NFIB: variants seen among roughly 807,000 people sequenced by gnomAD.
NFIB encodes nuclear factor 1 B-type.
A neutral mutation model predicts 61.5 loss-of-function variants in NFIB; 11 were observed. That is an observed-to-expected ratio of 0.18 (90% CI 0.11 to 0.30). NFIB has a LOEUF of 0.30. NFIB is among the 10% of genes least tolerant of loss of function. NFIB has a pLI of 1.00. For missense variants in NFIB, 471 were observed against 608.9 expected (o/e 0.77, Z 2.38); for synonymous variants, 260 against 216.5 (o/e 1.20, Z -1.76).
chr9:14,206,660 T>C (rs2049760561), intron 2 of NFIB, among the ~76,000 whole-genome samples: 1 of 121,114 alleles, frequency 8.3e-6, no homozygotes, highest in Non-Finnish European at 1.6e-5. Flanking sequence ...TATGCTATCA[T>C]ATACAGAGTT....
chr9:14,134,897 C>CAAAAAAAAAAAA (rs57014530), intron 6 of NFIB, among the ~76,000 whole-genome samples: 7 of 64,308 alleles, frequency 1.1e-4, no homozygotes, highest in Non-Finnish European at 2.0e-4. Flanking sequence ...GACTCTGTCT[C>CAAAAAAAAAAAA]AAAAAAAAAA....
chr9:14,468,583 A>AT, the NFIB span, among the ~76,000 whole-genome samples: 1 of 152,166 alleles, frequency 6.6e-6, no homozygotes, highest in African/African-American at 2.4e-5. Context: ...AGCAGCTCTA[A>AT]TTTGCTCCTC....
At chr9:14,187,005 CTGTG>C (rs762584581) in intron 2 of NFIB, among the ~76,000 whole-genome samples, 12,836 of 63,448 alleles carry the variant, frequency 0.2, 763 homozygotes, top group East Asian at 0.4. Flanking sequence ...TTCTTCGCTC[CTGTG>C]TGTGTGTGTG....
At chr9:14,155,746 A>C in intron 4 of NFIB, 79 bp downstream of exon 4, 1 of 828,764 alleles carries the variant, frequency 1.2e-6, no homozygotes, top group East Asian at 2.9e-5. Flanking sequence ...GTCACTCTTT[A>C]TACTACATTT....
the NFIB span, among the ~76,000 whole-genome samples, chr9:14,486,428 G>A: frequency 6.6e-6 from 1 of 152,164 alleles, no homozygotes; most frequent in Non-Finnish European, 1.5e-5. Context: ...TCTAGAAGGG[G>A]AGAATGGTGA....
chr9:14,142,390 T>C (rs1041019739), intron 6 of NFIB, among the ~76,000 whole-genome samples: 1 of 152,136 alleles, frequency 6.6e-6, no homozygotes, highest in Non-Finnish European at 1.5e-5. Context: ...CTGTGAAGCC[T>C]ACCCAGCCAA....
chr9:14,315,041 G>A (rs1427742889), upstream of NFIB, among the ~76,000 whole-genome samples: 2 of 151,952 alleles, frequency 1.3e-5, no homozygotes, highest in African/African-American at 4.8e-5. Context: ...CGCACCCGGG[G>A]CGGGCTCAGT....
In NFIB at chr9:14,298,184, A is replaced by G. The variant is rs566953515; in HGVS notation, c.562+8805T>C. 2.6e-5 allele frequency among the ~76,000 whole-genome samples: 4 copies of G among 152,330 alleles called. No individual in the cohort carries two copies. In the South Asian group the frequency reaches 8.3e-4, roughly 32 times the overall value. On this transcript the variant is annotated intron_variant, in intron 2 of 10. Transcript: ENST00000380953. ...AGTTACAACATTAACTCATTTGTAA[A>G]GAAAAAAATGTTGGTTTTACCCTAC...
chr9:14,279,727 T>C (rs1244917043), intron 2 of NFIB, among the ~76,000 whole-genome samples: 3 of 152,192 alleles, frequency 2.0e-5, no homozygotes, highest in Admixed American at 1.3e-4. Flanking sequence ...CATCTCTGGT[T>C]CCTTATCTTA....
chr9:14,278,338 T>C (rs946620242), intron 2 of NFIB, among the ~76,000 whole-genome samples: 1 of 152,214 alleles, frequency 6.6e-6, no homozygotes, highest in African/African-American at 2.4e-5. Flanking sequence ...CATTGTTAAT[T>C]GAGTCGTGCG....
intron 2 of NFIB, among the ~76,000 whole-genome samples, chr9:14,231,167 T>TATATATATATATATATATATA (rs2053148843): frequency 7.2e-6 from 1 of 139,296 alleles, no homozygotes; most frequent in African/African-American, 2.6e-5. Context: ...TATATATATA[T>TATATATATATATATATATATA]TCGTTGAGAC....
At chr9:14,515,915 C>T in the NFIB span, among the ~76,000 whole-genome samples, 4 of 152,348 alleles carry the variant, frequency 2.6e-5, no homozygotes, top group South Asian at 4.1e-4. Flanking sequence ...CAGGATTCTG[C>T]GAGCAGCTAG....
chr9:14,388,558 T>C (rs911985068), intron 1 of NFIB, among the ~76,000 whole-genome samples: 1 of 151,654 alleles, frequency 6.6e-6, no homozygotes, highest in Non-Finnish European at 1.5e-5. Flanking sequence ...TGCAAAAGAA[T>C]ACATGTGCTA....
chr9:14,161,051 T>C (rs1051714669), intron 3 of NFIB, among the ~76,000 whole-genome samples: 12 of 152,162 alleles, frequency 7.9e-5, no homozygotes, highest in Non-Finnish European at 1.5e-4. Context: ...GAAGGCTTAA[T>C]TCTTTTTGTA....
intron 2 of NFIB, among the ~76,000 whole-genome samples, chr9:14,182,840 C>A (rs550798639): frequency 6.6e-5 from 10 of 151,414 alleles, no homozygotes; most frequent in African/African-American, 2.4e-4. Flanking sequence ...TCTTAAGAGT[C>A]TTGGTGTCTG....
intron 1 of NFIB, among the ~76,000 whole-genome samples, chr9:14,310,827 T>G (rs1047211282): frequency 1.3e-5 from 2 of 151,972 alleles, no homozygotes; most frequent in African/African-American, 4.8e-5. Context: ...AAATAAAGAG[T>G]CTTAATTCCA....
the NFIB span, among the ~76,000 whole-genome samples, chr9:14,454,149 T>C: frequency 1.3e-5 from 2 of 152,344 alleles, no homozygotes; most frequent in African/African-American, 4.8e-5. Flanking sequence ...TGTTGCCATT[T>C]GTAGGAAAGT....
At chr9:14,168,118 G>T (rs1181641145) in intron 3 of NFIB, among the ~76,000 whole-genome samples, 2 of 152,162 alleles carry the variant, frequency 1.3e-5, no homozygotes, top group African/African-American at 4.8e-5. Context: ...CTCCGCAGAA[G>T]TACCCGCTTT....
At chr9:14,491,935 T>G in the NFIB span, among the ~76,000 whole-genome samples, 1 of 152,224 alleles carries the variant, frequency 6.6e-6, no homozygotes, top group Non-Finnish European at 1.5e-5. Context: ...TCTCATGCAT[T>G]GGCACCTCAC....
Sources: gnomAD v4.1 joint callset for allele counts (sites outside exome capture counted in the v4.1 genomes callset) on GRCh38, gnomAD v4.1.1 for gene constraint, MANE v1.5 for transcripts, NCBI Gene and HGNC (gene_info 2026-07-23, HGNC 2026-07-21) for gene names.